TESMIN: variants seen among roughly 807,000 people sequenced by gnomAD.
TESMIN encodes testis expressed metallothionein like protein.
Under a neutral mutation model 47.4 loss-of-function variants are expected in TESMIN, and 34 were observed. That is an observed-to-expected ratio of 0.72 (90% confidence interval 0.55 to 0.96). The LOEUF (loss-of-function observed/expected upper bound fraction) is 0.96, where lower values mean the gene tolerates loss of function less well. TESMIN is among the 40% of genes least tolerant of loss of function. TESMIN has a pLI of 0.00. For synonymous variants in TESMIN, 278 were observed against 258.9 expected (o/e 1.07, Z -0.71); for missense variants, 610 against 637.2 (o/e 0.96, Z 0.46).
At chr11:68,737,095 A>G in intron 6 of TESMIN, 1 of 985,462 alleles carries the variant, frequency 1.0e-6, no homozygotes, top group Non-Finnish European at 1.2e-6. Flanking sequence ...TCAGAACTGT[A>G]GCCTTTTAGA....
intron 8 of TESMIN, 23 bp downstream of exon 8, chr11:68,713,247 G>T (rs1383913262): frequency 3.1e-6 from 5 of 1,596,412 alleles, no homozygotes; most frequent in Admixed American, 3.5e-5. Flanking sequence ...TTTTGTTAGT[G>T]AGTTAGGGAG....
At chr11:68,714,368 C>T (rs907269623) in intron 7 of TESMIN, among the ~76,000 whole-genome samples, 4 of 150,132 alleles carry the variant, frequency 2.7e-5, no homozygotes, top group Non-Finnish European at 4.4e-5. Flanking sequence ...TGTGTGCACA[C>T]CTGTGTACCT....
intron 6 of TESMIN, among the ~76,000 whole-genome samples, chr11:68,720,596 G>C (rs769971450): frequency 6.0e-4 from 91 of 152,114 alleles, no homozygotes; most frequent in Non-Finnish European, 1.1e-3. Context: ...CTTCACCCAC[G>C]GTCTTCATCT....
Position 68,735,276 on chromosome 11 carries a change from G to A in TESMIN, c.917+3424C>T, listed in dbSNP as rs1432928209. ...CAGCTACTTCACTGCTCTTGCCCTC[G>A]GCCCTCTCAGACCTGCCCTGAGCTG... is the stretch of plus-strand genomic sequence containing the variant. On this transcript the variant is annotated intron_variant, in intron 6 of 9. Transcript: ENST00000255087. 4.6e-5 allele frequency among the ~76,000 whole-genome samples: 7 copies of A among 152,106 alleles called. No individual in the cohort carries two copies. The South Asian group carries it at 6.2e-4, about 14-fold the overall frequency.
intron 7 of TESMIN, 95 bp downstream of exon 7, chr11:68,715,742 T>G: frequency 1.1e-6 from 1 of 928,702 alleles, no homozygotes; most frequent in Non-Finnish European, 1.6e-6. Context: ...AACTGTGGGT[T>G]TTTTCCAATG....
chr11:68,741,438 T>C (rs1946455070), intron 5 of TESMIN, among the ~76,000 whole-genome samples: 1 of 152,216 alleles, frequency 6.6e-6, no homozygotes, highest in African/African-American at 2.4e-5. Context: ...AACTAGGCTT[T>C]TTCCCCATCA....
intron 5 of TESMIN, 41 bp from the exon 6 acceptor site, chr11:68,738,829 G>T (rs1423756987): frequency 6.4e-7 from 1 of 1,550,664 alleles, no homozygotes; most frequent in African/African-American, 1.4e-5. Context: ...AATTAGCAAG[G>T]ATTTTTAAAG....
At chr11:68,728,424 CTGGT>C (rs1458394371) in intron 6 of TESMIN, among the ~76,000 whole-genome samples, 1 of 152,278 alleles carries the variant, frequency 6.6e-6, no homozygotes, top group East Asian at 1.9e-4. Flanking sequence ...CTAGCAGAGG[CTGGT>C]TCATGAGGTT....
In TESMIN at chr11:68,712,692, C is replaced by T. The variant is rs145747039; in HGVS notation, c.1158+578G>A. Among the ~76,000 whole-genome samples the T allele has an allele frequency of 1.8e-4, 27 of 152,336 alleles. No individual in the cohort carries two copies. The East Asian group carries it at 3.5e-3, about 20-fold the overall frequency. Reference sequence around the variant, plus strand: ...GAAAAGAAAAAGCTTTTGTCCAGGCCGTGATCTGCAGCTTGCTTTGTTAGC... The same window carrying T: ...GAAAAGAAAAAGCTTTTGTCCAGGCTGTGATCTGCAGCTTGCTTTGTTAGC... On this transcript the variant is annotated intron_variant, in intron 8 of 9. Coordinates refer to ENST00000255087, the MANE Select transcript of TESMIN (RefSeq NM_004923.3).
At chr11:68,734,782 T>C (rs1011260289) in intron 6 of TESMIN, among the ~76,000 whole-genome samples, 1 of 152,232 alleles carries the variant, frequency 6.6e-6, no homozygotes, top group Non-Finnish European at 1.5e-5. Context: ...TGGTAACTAA[T>C]ACAAACGCCC....
Position 68,707,929 on chromosome 11 carries a change from A to C in TESMIN, c.*379T>G, listed in dbSNP as rs1386795524. On this transcript the variant is annotated 3_prime_UTR_variant, in exon 10 of 10. Coordinates refer to ENST00000255087, the MANE Select transcript of TESMIN (RefSeq NM_004923.3). ...GCAGCCTCCAGAGCAACATTCTCTGAGAGGAAGAGTCGACCAGAGTGAGCT... is the reference window on the plus strand; with the variant it reads ...GCAGCCTCCAGAGCAACATTCTCTGCGAGGAAGAGTCGACCAGAGTGAGCT... The C allele has an allele frequency of 4.3e-6, 2 of 462,202 alleles. No individual in the cohort carries two copies. The highest frequency in any genetic ancestry group is 4.7e-5 in the Admixed American group (2 of 42,244). 28.6% of individuals were successfully genotyped at this position (462,202 alleles called of 1,614,324 possible). A position where few individuals can be genotyped will look rare whatever the true frequency, so the allele number is the denominator to read the frequency against.
chr11:68,706,948 A>G (rs865878344), downstream of TESMIN, among the ~76,000 whole-genome samples: 1 of 152,166 alleles, frequency 6.6e-6, no homozygotes, highest in African/African-American at 2.4e-5. Flanking sequence ...CCAAGGGTGA[A>G]GGAGGCCAGG....
chr11:68,740,954 C>G (rs1049882841), intron 5 of TESMIN, among the ~76,000 whole-genome samples: 1 of 152,128 alleles, frequency 6.6e-6, no homozygotes, highest in East Asian at 1.9e-4. Flanking sequence ...GAAACTCCAT[C>G]TCTCCAATCA....
rs1946017324 is a variant in TESMIN at position 68,708,065 on chromosome 11, G to A, written c.*243C>T. 7 of 511,658 alleles carry A rather than the reference G, an allele frequency of 1.4e-5. No individual in the cohort carries two copies. The highest frequency in any genetic ancestry group is 1.3e-4 in the South Asian group (6 of 47,066). 31.7% of individuals were successfully genotyped at this position (511,658 alleles called of 1,614,324 possible). ...CGCCGCCCTGCAGACACTCTCCCAG[G>A]ACTATGGGAACCCAAGCTCTCTCCT... On this transcript the variant is annotated 3_prime_UTR_variant, in exon 10 of 10. Coordinates refer to ENST00000255087, the MANE Select transcript of TESMIN (RefSeq NM_004923.3).
At position 68,716,007 on chromosome 11, in the gene TESMIN, A is replaced by G. The variant is rs564407563; in HGVS notation, c.918-68T>C. ...CAGTGAGTAGTGAAAAGAAGAGCAC[A>G]CACGTGTAAGGAAAGAGCGGGCAGT... On this transcript the variant is annotated intron_variant, in intron 6 of 9. Transcript: ENST00000255087. The G allele has an allele frequency of 1.0e-4, 108 of 1,055,578 alleles. 1 individual carries two copies. The South Asian group carries it at 1.3e-3, about 13-fold the overall frequency. The allele number at this position is 1,055,578 out of a possible 1,614,324, so 65.4% of individuals were successfully genotyped here. A position where few individuals can be genotyped will look rare whatever the true frequency, so the allele number is the denominator to read the frequency against.
intron 6 of TESMIN, chr11:68,737,188 A>G: frequency 1.0e-6 from 1 of 985,460 alleles, no homozygotes; most frequent in Non-Finnish European, 1.2e-6. Context: ...AGCCATGATG[A>G]GATGACCAAT....
intron 3 of TESMIN, among the ~76,000 whole-genome samples, chr11:68,745,978 A>AATCACTAC (rs1177322230): frequency 6.6e-6 from 1 of 152,218 alleles, no homozygotes; most frequent in Admixed American, 6.5e-5. Flanking sequence ...GCTGTGCTTT[A>AATCACTAC]TACACTTAAG....
At position 68,745,106 on chromosome 11, in the gene TESMIN, T is replaced by G. The variant is rs773207349; in HGVS notation, c.636A>C (p.Ile212=). The G allele has an allele frequency of 6.3e-7, 1 of 1,577,014 alleles. No individual in the cohort carries two copies. Among genetic ancestry groups the G allele is most frequent in the South Asian group, 1.2e-5 (1 of 82,650 alleles). The change falls in exon 4 of 10, where the codon ATA becomes ATC. Residue 212 remains isoleucine (I), a synonymous_variant. Transcript: ENST00000255087. ...TTTGTGTGCCCCCTTTCAATTGGCATATCACCTAAAATGAAAAAGAACAAT... is the reference window on the plus strand; with the variant it reads ...TTTGTGTGCCCCCTTTCAATTGGCAGATCACCTAAAATGAAAAAGAACAAT... ...SLKKDSNPMV[I]CQLKGGTQML...
At chr11:68,735,788 GA>G (rs1028321922) in intron 6 of TESMIN, among the ~76,000 whole-genome samples, 3 of 152,260 alleles carry the variant, frequency 2.0e-5, no homozygotes, top group Non-Finnish European at 4.4e-5. Context: ...TGGAAGAAGT[GA>G]AAACCAAATG....
Sources: allele counts gnomAD v4.1 joint callset (sites outside exome capture counted in the v4.1 genomes callset), GRCh38; gene constraint gnomAD v4.1.1; transcripts MANE v1.5; gene names NCBI Gene and HGNC (gene_info 2026-07-23, HGNC 2026-07-21).